The following JAKMIP2 variants were observed in gnomAD, a reference collection of about 807,000 sequenced individuals.
JAKMIP2 encodes the protein janus kinase and microtubule interacting protein 2, also known as janus kinase and microtubule-interacting protein 2.
Under a neutral mutation model 115.0 loss-of-function variants are expected in JAKMIP2, and 25 were observed. That is an observed-to-expected ratio of 0.22 (90% CI 0.16 to 0.30). The LOEUF (loss-of-function observed/expected upper bound fraction) is 0.30, where lower values mean the gene tolerates loss of function less well. Ranked by LOEUF, JAKMIP2 falls within the 10% of genes least tolerant of loss-of-function variation. The pLI, the probability that JAKMIP2 is intolerant of heterozygous loss-of-function variation, is 1.00. For missense variants in JAKMIP2, 642 were observed against 957.6 expected (o/e 0.67, Z 4.35); for synonymous variants, 334 against 343.6 (o/e 0.97, Z 0.31).
chr5:147,780,439 A>C (rs906483780), intron 1 of JAKMIP2, among the ~76,000 whole-genome samples: 2 of 152,202 alleles, frequency 1.3e-5, no homozygotes, highest in African/African-American at 4.8e-5. Flanking sequence ...AACTAGTACA[A>C]ATCTTAATTT....
intron 1 of JAKMIP2, among the ~76,000 whole-genome samples, chr5:147,683,612 G>C (rs932758651): frequency 6.6e-6 from 1 of 152,158 alleles, no homozygotes; most frequent in Non-Finnish European, 1.5e-5. Flanking sequence ...CTGACAGCAA[G>C]ATTTTCTATT....
chr5:147,601,674 T>G (rs1417724809), intron 21 of JAKMIP2, 67 bp downstream of exon 21: 2 of 1,085,992 alleles, frequency 1.8e-6, no homozygotes, highest in East Asian at 2.7e-5. Flanking sequence ...GCATAGTAAC[T>G]ATAGGTAACA....
At chr5:147,596,357 G>A (rs1016383795) in intron 21 of JAKMIP2, among the ~76,000 whole-genome samples, 5 of 152,130 alleles carry the variant, frequency 3.3e-5, no homozygotes, top group African/African-American at 1.2e-4. Flanking sequence ...GTCTATAGTG[G>A]AAGCACTGAG....
chr5:147,600,375 G>C (rs1260973683), intron 21 of JAKMIP2, among the ~76,000 whole-genome samples: 1 of 152,066 alleles, frequency 6.6e-6, no homozygotes, highest in Non-Finnish European at 1.5e-5. Flanking sequence ...CTCTTTGCTT[G>C]TATCAGGTTA....
In JAKMIP2 at chr5:147,613,315, A is replaced by C. The variant is rs111444298; in HGVS notation, c.2347-944T>G. ...ATTAGAAAATAGAGAAATGGAGTCT[A>C]TGGAGAAAACACTAGAAGCCAAATG... On this transcript the variant is annotated intron_variant, in intron 19 of 21. Coordinates refer to ENST00000616793, the MANE Select transcript of JAKMIP2 (RefSeq NM_001270941.2). Among the ~76,000 whole-genome samples, 7 of 152,322 alleles carry C rather than the reference A, an allele frequency of 4.6e-5. 1 individual carries two copies. Among genetic ancestry groups the C allele is most frequent in the African/African-American group, 1.4e-4 (6 of 41,580 alleles).
intron 1 of JAKMIP2, among the ~76,000 whole-genome samples, chr5:147,721,513 T>A (rs1409729840): frequency 6.6e-6 from 1 of 152,032 alleles, no homozygotes; most frequent in East Asian, 1.9e-4. Context: ...TCCGTGGGCG[T>A]AGGACCCTCC....
At chr5:147,625,081 GCGATTCTCCAGCCT>G (rs1471082337) in intron 16 of JAKMIP2, among the ~76,000 whole-genome samples, 5 of 152,084 alleles carry the variant, frequency 3.3e-5, no homozygotes, top group Non-Finnish European at 5.9e-5. Context: ...CCAGGTTCAA[GCGATTCTCCAGCCT>G]CAGCCTCCCA....
rs149116164 is a variant in JAKMIP2, at chr5:147,663,443, C to T, written c.130-1998G>A. On this transcript the variant is annotated intron_variant, in intron 2 of 21. Coordinates refer to ENST00000616793, the MANE Select transcript of JAKMIP2 (RefSeq NM_001270941.2). ...TTCTCTTGTGCTGGATGCCTCCTGC[C>T]CTTGGATATCAGACTCCAAGTTCTT... 3.1e-3 allele frequency among the ~76,000 whole-genome samples: 473 copies of T among 152,202 alleles called. 2 individuals carry two copies. The highest frequency in any genetic ancestry group is 5.3e-3 in the Non-Finnish European group (359 of 68,010).
intron 1 of JAKMIP2, among the ~76,000 whole-genome samples, chr5:147,779,408 T>C (rs1755677600): frequency 6.6e-6 from 1 of 152,122 alleles, no homozygotes; most frequent in South Asian, 2.1e-4. Context: ...ATACCTTTCA[T>C]ATAATTTGTT....
chr5:147,725,229 C>T (rs1015265481), intron 1 of JAKMIP2, among the ~76,000 whole-genome samples: 4 of 152,058 alleles, frequency 2.6e-5, no homozygotes, highest in African/African-American at 9.7e-5. Flanking sequence ...CTCTCGGTTC[C>T]GGGAACTGCC....
chr5:147,737,909 C>A (rs1753985330), intron 1 of JAKMIP2, among the ~76,000 whole-genome samples: 1 of 152,054 alleles, frequency 6.6e-6, no homozygotes, highest in African/African-American at 2.4e-5. Context: ...AGAGCTTGGG[C>A]TTTGGAGTGA....
At chr5:147,736,005 C>T (rs1753907605) in intron 1 of JAKMIP2, among the ~76,000 whole-genome samples, 1 of 151,738 alleles carries the variant, frequency 6.6e-6, no homozygotes, top group African/African-American at 2.4e-5. Flanking sequence ...CCTCTCTGAA[C>T]CTCAGGACAG....
rs1364682402 is a variant in JAKMIP2 at position 147,661,322 on chromosome 5, G to T, written c.253C>A (p.Leu85Met). ...ATAAGGTTCTCCCTCACAGCCTGCA[G>T]CTCCTTCATCTTCTCCTCATGGAGC... ...AKLHEEKMKELQAVRENLIKQ... is the reference protein window; with the variant it reads ...AKLHEEKMKEMQAVRENLIKQ... The change falls in exon 3 of 22, where the codon CTG becomes ATG. Residue 85 changes from leucine (L) to methionine (M), a missense_variant. Coordinates refer to ENST00000616793, the MANE Select transcript of JAKMIP2 (RefSeq NM_001270941.2). The T allele has an allele frequency of 6.2e-7, 1 of 1,614,030 alleles. No homozygotes were observed. Among genetic ancestry groups the T allele is most frequent in the Non-Finnish European group, 8.5e-7 (1 of 1,180,030 alleles).
chr5:147,702,455 A>AAGGT, intron 1 of JAKMIP2, among the ~76,000 whole-genome samples: 1 of 126,690 alleles, frequency 7.9e-6, no homozygotes, highest in Non-Finnish European at 1.6e-5. Flanking sequence ...GGAAGGAAGG[A>AAGGT]AGGAAGGAAG....
intron 4 of JAKMIP2, among the ~76,000 whole-genome samples, chr5:147,649,439 T>C (rs1009758274): frequency 2.6e-5 from 4 of 152,148 alleles, no homozygotes; most frequent in Admixed American, 2.6e-4. Context: ...ATTTTACACA[T>C]GAGGAAACTG....
In JAKMIP2 at chr5:147,648,405, T is replaced by C. The variant is rs1428904127; in HGVS notation, c.907A>G (p.Thr303Ala). The C allele has an allele frequency of 6.2e-7, 1 of 1,608,626 alleles. No individual in the cohort carries two copies. Among genetic ancestry groups the C allele is most frequent in the South Asian group, 1.1e-5 (1 of 90,918 alleles). Reference sequence around the variant, plus strand: ...TCATTTCGTTCATCTCCAAGCAAGGTATTCCTGTCTTCTAATTTTCTTATA... The same window carrying C: ...TCATTTCGTTCATCTCCAAGCAAGGCATTCCTGTCTTCTAATTTTCTTATA... ...ATIRKLEDRN[T>A]LLGDERNELL... The change falls in exon 5 of 22, where the codon ACC becomes GCC. Residue 303 changes from threonine (T) to alanine (A), a missense_variant. By Grantham distance (58) the Thr-to-Ala change is moderately conservative (BLOSUM62 0). Around this residue, in one of 6 missense-constraint regions of JAKMIP2, gnomAD observed 439 missense variants for 570.9 expected, o/e 0.77. Transcript: ENST00000616793.
At chr5:147,699,639 G>A (rs568480298) in intron 1 of JAKMIP2, among the ~76,000 whole-genome samples, 1 of 152,078 alleles carries the variant, frequency 6.6e-6, no homozygotes, top group Non-Finnish European at 1.5e-5. Context: ...AAAATTTCTG[G>A]ATTAACAACA....
intron 1 of JAKMIP2, among the ~76,000 whole-genome samples, chr5:147,750,561 T>TACACACACACAC (rs151015424): frequency 0.022 from 3,177 of 142,844 alleles, 35 homozygotes; most frequent in African/African-American, 0.025. Flanking sequence ...TGCCAGAAAA[T>TACACACACACAC]ACACACACAC....
chr5:147,658,054 AGTT>A (rs1047515802), intron 3 of JAKMIP2, among the ~76,000 whole-genome samples: 4 of 151,994 alleles, frequency 2.6e-5, no homozygotes, highest in African/African-American at 7.2e-5. Flanking sequence ...CTTGCTGGAC[AGTT>A]GTTGTGAACG....
Sources: gnomAD v4.1 joint callset for allele counts (sites outside exome capture counted in the v4.1 genomes callset) on GRCh38, gnomAD v4.1.1 for gene constraint, gnomAD v4.1.1 regional missense constraint, MANE v1.5 for transcripts, NCBI Gene and HGNC (gene_info 2026-07-23, HGNC 2026-07-21) for gene names.